Variants in TRAK2 observed in about 807,000 individuals in gnomAD.
TRAK2 encodes the protein trafficking kinesin-binding protein 2.
In TRAK2, 81 loss-of-function variants were observed where a neutral mutation model predicts 104.6. The observed-to-expected ratio is 0.77, with a 90% CI of 0.65 to 0.93. The LOEUF is 0.93. Among genes scored for constraint, TRAK2 ranks in the 40% least tolerant of loss-of-function variants. The pLI, the probability that TRAK2 is intolerant of heterozygous loss-of-function variation, is 0.00. For synonymous variants in TRAK2, 406 were observed against 394.4 expected (o/e 1.03, Z -0.35); for missense variants, 1,002 against 1,089.0 (o/e 0.92, Z 1.12).
chr2:201,427,029 C>T (rs2125657220), intron 1 of TRAK2, among the ~76,000 whole-genome samples: 1 of 152,162 alleles, frequency 6.6e-6, no homozygotes, highest in East Asian at 1.9e-4. Flanking sequence ...TATTAATAAC[C>T]ACCCTTTATA....
At position 201,387,872 on chromosome 2, in the gene TRAK2, C is replaced by G. The variant is rs772061931; in HGVS notation, c.1527G>C (p.Arg509=). The change falls in exon 13 of 16, where the codon CGG becomes CGC. Residue 509 remains arginine, a synonymous_variant. Coordinates refer to ENST00000332624, the MANE Select transcript of TRAK2 (RefSeq NM_015049.3). ...EKQFFAEEWQ[R]KIQVLADQKE... ...TCTGGTCTGCCAGAACCTGGATCTT[C>G]CGCTGCCATTCTTCAGCAAAGAACT... is the stretch of plus-strand genomic sequence containing the variant. 1 of 1,614,200 alleles carries G rather than the reference C, an allele frequency of 6.2e-7. No homozygotes were observed. The highest frequency in any genetic ancestry group is 1.1e-5 in the South Asian group (1 of 91,080).
chr2:201,441,247 T>C (rs1356343128), intron 1 of TRAK2, among the ~76,000 whole-genome samples: 1 of 152,230 alleles, frequency 6.6e-6, no homozygotes, highest in African/African-American at 2.4e-5. Flanking sequence ...TTTATAGCAA[T>C]GACACACTAT....
chr2:201,395,129 G>C (rs1341195996), intron 8 of TRAK2, 185 bp downstream of exon 8: 1 of 625,250 alleles, frequency 1.6e-6, no homozygotes, highest in African/African-American at 1.9e-5. Context: ...GAGAAATAAT[G>C]ACTTGAAAGT....
rs965583139 is a variant in TRAK2 at position 201,427,020 on chromosome 2, A to T, written c.-199-6314T>A. On this transcript the variant is annotated intron_variant, in intron 1 of 15. Transcript: ENST00000332624. ...CATTCCTCATTTTCAAGATGGGGAT[A>T]TTAATAACCACCCTTTATAAGAAGG... Among the ~76,000 whole-genome samples, 8 of 152,176 alleles carry T rather than the reference A, an allele frequency of 5.3e-5. No homozygotes were observed. The East Asian group carries it at 1.3e-3, about 26-fold the overall frequency.
chr2:201,389,891 G>A lies in TRAK2; in HGVS notation c.1114-11C>T, dbSNP rs745647269. 6.2e-7 allele frequency: 1 copy of A among 1,609,660 alleles called. No homozygotes were observed. Among genetic ancestry groups the A allele is most frequent in the Non-Finnish European group, 8.5e-7 (1 of 1,177,116 alleles). ...AGCTGCCAAAGATTCCTAAGAAAAA[G>A]AGTTTGAGATTTCTAAAGTGATTGT... On this transcript the variant is annotated splice_polypyrimidine_tract_variant and intron_variant, in intron 10 of 15. Coordinates refer to ENST00000332624, the MANE Select transcript of TRAK2 (RefSeq NM_015049.3).
At chr2:201,398,375 A>G (rs745652180) in intron 5 of TRAK2, 21 bp from the exon 6 acceptor site, 3 of 1,593,454 alleles carry the variant, frequency 1.9e-6, no homozygotes, top group Admixed American at 3.4e-5. Flanking sequence ...AAAATGCTTG[A>G]TTTTCATGTT....
At chr2:201,397,445 G>A in intron 7 of TRAK2, 57 bp downstream of exon 7, 1 of 1,250,976 alleles carries the variant, frequency 8.0e-7, no homozygotes, top group Non-Finnish European at 1.1e-6. Flanking sequence ...CCGAGGTGGA[G>A]ATACCCTACC....
chr2:201,389,640 C>T (rs1951426692), intron 11 of TRAK2, 137 bp from the exon 12 acceptor site: 1 of 1,103,450 alleles, frequency 9.1e-7, no homozygotes, highest in African/African-American at 1.6e-5. Flanking sequence ...AATAAGCTTT[C>T]AAACAAGAGA....
chr2:201,400,645 G>C lies in TRAK2; in HGVS notation c.363+373C>G, dbSNP rs181974643. Among the ~76,000 whole-genome samples, 391 of 152,122 alleles carry C rather than the reference G, an allele frequency of 2.6e-3. 1 individual carries two copies. The highest frequency in any genetic ancestry group is 8.9e-3 in the African/African-American group (368 of 41,532). On this transcript the variant is annotated intron_variant, in intron 4 of 15. Transcript: ENST00000332624. ...CCCAAACTAAAAGTAAAAAAGGGGA[G>C]ATGCTCCAAACTGCAGGTATTGATT... is the stretch of plus-strand genomic sequence containing the variant.
intron 10 of TRAK2, among the ~76,000 whole-genome samples, chr2:201,392,197 T>G (rs573871999): frequency 6.6e-6 from 1 of 152,174 alleles, no homozygotes; most frequent in South Asian, 2.1e-4. Flanking sequence ...AACTGAAGAA[T>G]CGATGTGAGG....
At chr2:201,430,109 G>A (rs2125658516) in intron 1 of TRAK2, among the ~76,000 whole-genome samples, 1 of 152,332 alleles carries the variant, frequency 6.6e-6, no homozygotes, top group Admixed American at 6.5e-5. Flanking sequence ...GACGCTGTTT[G>A]CCTGGGTATC....
At chr2:201,384,036 GT>G in intron 15 of TRAK2, 74 bp downstream of exon 15, 1 of 914,660 alleles carries the variant, frequency 1.1e-6, no homozygotes, top group South Asian at 1.5e-5. Context: ...TAAAATGAAG[GT>G]AATTTTAAAA....
At position 201,394,892 on chromosome 2, in the gene TRAK2, G is replaced by C; in HGVS notation, c.901-20C>G. On this transcript the variant is annotated intron_variant, in intron 8 of 15. Transcript: ENST00000332624. Reference sequence around the variant, plus strand: ...CACATGCTAACAACATATTAAAAAAGACATGTGAAGCCTTTCCAAGTAAAA... The same window carrying C: ...CACATGCTAACAACATATTAAAAAACACATGTGAAGCCTTTCCAAGTAAAA... 1 of 1,598,402 alleles carries C rather than the reference G, an allele frequency of 6.3e-7. No individual in the cohort carries two copies. The highest frequency in any genetic ancestry group is 8.6e-7 in the Non-Finnish European group (1 of 1,168,000).
chr2:201,434,104 T>C (rs1254390087), intron 1 of TRAK2, among the ~76,000 whole-genome samples: 11 of 151,890 alleles, frequency 7.2e-5, no homozygotes, highest in African/African-American at 2.2e-4. Flanking sequence ...ACTACAGGCG[T>C]CCGCCACCGC....
chr2:201,398,982 T>A (rs1363159818), intron 5 of TRAK2, among the ~76,000 whole-genome samples: 2 of 152,144 alleles, frequency 1.3e-5, no homozygotes, highest in African/African-American at 4.8e-5. Context: ...AATAAATATA[T>A]TTTCAAAGTT....
intron 2 of TRAK2, chr2:201,411,587 T>C: frequency 1.3e-6 from 1 of 776,638 alleles, no homozygotes; most frequent in South Asian, 1.3e-5. Flanking sequence ...TAAGATTGTT[T>C]TCAATACTCA....
chr2:201,406,481 A>C (rs1951595900), intron 3 of TRAK2, among the ~76,000 whole-genome samples: 1 of 152,210 alleles, frequency 6.6e-6, no homozygotes, highest in Non-Finnish European at 1.5e-5. Flanking sequence ...CTAGAAAAAA[A>C]TTCTAGGAAA....
chr2:201,381,278 C>T, intron 15 of TRAK2, 60 bp from the exon 16 acceptor site: 2 of 1,457,518 alleles, frequency 1.4e-6, no homozygotes, highest in South Asian at 1.4e-5. Flanking sequence ...AAGCTCCAAG[C>T]TGGCATTTAA....
At chr2:201,448,938 C>G (rs567256724) in intron 1 of TRAK2, among the ~76,000 whole-genome samples, 1 of 152,256 alleles carries the variant, frequency 6.6e-6, no homozygotes, top group South Asian at 2.1e-4. Flanking sequence ...CCTCCTGCCT[C>G]GGGCTCTCAA....
Sources: gnomAD v4.1 joint callset for allele counts (sites outside exome capture counted in the v4.1 genomes callset) on GRCh38, gnomAD v4.1.1 for gene constraint, MANE v1.5 for transcripts, NCBI Gene and HGNC (gene_info 2026-07-23, HGNC 2026-07-21) for gene names.